The following HS6ST3 variants were observed in gnomAD, a reference collection of about 807,000 sequenced individuals.
HS6ST3 encodes the protein heparan-sulfate 6-O-sulfotransferase 3.
HS6ST3 carries 12 observed loss-of-function variants against 36.7 expected under a neutral mutation model. The observed-to-expected ratio is 0.33, with a 90% confidence interval of 0.21 to 0.53. The LOEUF (loss-of-function observed/expected upper bound fraction) is 0.53, where lower values mean the gene tolerates loss of function less well. HS6ST3 is among the 20% of genes least tolerant of loss of function. The pLI is 0.95. For synonymous variants in HS6ST3, 240 were observed against 257.5 expected (o/e 0.93, Z 0.65); for missense variants, 584 against 640.9 (o/e 0.91, Z 0.96).
chr13:96,444,950 A>G (rs986481858), intron 1 of HS6ST3, among the ~76,000 whole-genome samples: 5 of 152,302 alleles, frequency 3.3e-5, no homozygotes, highest in East Asian at 1.9e-4. Flanking sequence ...CAGAAGATTT[A>G]GAGCATACTA....
chr13:96,257,274 A>G (rs913643288), intron 1 of HS6ST3, among the ~76,000 whole-genome samples: 1 of 152,206 alleles, frequency 6.6e-6, no homozygotes, highest in Non-Finnish European at 1.5e-5. Flanking sequence ...TCTACTGTGC[A>G]TCTGCAGGAA....
At chr13:96,692,897 G>A (rs553451547) in intron 1 of HS6ST3, among the ~76,000 whole-genome samples, 4 of 152,096 alleles carry the variant, frequency 2.6e-5, no homozygotes, top group Non-Finnish European at 4.4e-5. Context: ...TTTTTCTAAT[G>A]TACTATTTGA....
intron 1 of HS6ST3, among the ~76,000 whole-genome samples, chr13:96,218,254 G>T (rs1266667525): frequency 6.6e-6 from 1 of 152,170 alleles, no homozygotes; most frequent in African/African-American, 2.4e-5. Flanking sequence ...GGACACAGAA[G>T]CTGAAGGGCC....
chr13:96,724,162 A>T (rs1875926259), intron 1 of HS6ST3, among the ~76,000 whole-genome samples: 1 of 152,218 alleles, frequency 6.6e-6, no homozygotes, highest in Non-Finnish European at 1.5e-5. Flanking sequence ...ACATTATATT[A>T]ACATTTATGA....
At chr13:96,453,299 T>C (rs1259268202) in intron 1 of HS6ST3, among the ~76,000 whole-genome samples, 1 of 152,040 alleles carries the variant, frequency 6.6e-6, no homozygotes, top group East Asian at 1.9e-4. Context: ...ATAGGGTAAA[T>C]TGTACTCAAT....
chr13:96,606,289 T>A (rs1428001482), intron 1 of HS6ST3, among the ~76,000 whole-genome samples: 1 of 152,132 alleles, frequency 6.6e-6, no homozygotes, highest in Non-Finnish European at 1.5e-5. Flanking sequence ...TTTGAAGCAC[T>A]TTTCACACTA....
intron 1 of HS6ST3, among the ~76,000 whole-genome samples, chr13:96,727,307 C>A (rs1416799585): frequency 4.6e-5 from 7 of 152,096 alleles, no homozygotes; most frequent in Non-Finnish European, 1.5e-5. Context: ...GAAAAATATT[C>A]ATCGTAGTAC....
chr13:96,429,679 A>G (rs1486575322), intron 1 of HS6ST3, among the ~76,000 whole-genome samples: 1 of 152,220 alleles, frequency 6.6e-6, no homozygotes, highest in African/African-American at 2.4e-5. Context: ...CTTTAGCTGT[A>G]AGACTTTACA....
At chr13:96,162,143 A>T (rs1305619710) in intron 1 of HS6ST3, among the ~76,000 whole-genome samples, 2 of 152,212 alleles carry the variant, frequency 1.3e-5, no homozygotes, top group Non-Finnish European at 2.9e-5. Flanking sequence ...GAGATCAAGG[A>T]ATTTTCCCAG....
chr13:96,688,383 TG>T (rs1874847849), intron 1 of HS6ST3, among the ~76,000 whole-genome samples: 1 of 152,044 alleles, frequency 6.6e-6, no homozygotes, highest in African/African-American at 2.4e-5. Flanking sequence ...ATTTTGATAG[TG>T]GGATTTATGT....
At chr13:96,739,937 T>A (rs1876393600) in intron 1 of HS6ST3, among the ~76,000 whole-genome samples, 1 of 152,168 alleles carries the variant, frequency 6.6e-6, no homozygotes, top group Non-Finnish European at 1.5e-5. Flanking sequence ...TTCTGGATGC[T>A]ATTTCCCAAT....
chr13:96,125,214 AG>A (rs2053944871), intron 1 of HS6ST3, among the ~76,000 whole-genome samples: 1 of 152,288 alleles, frequency 6.6e-6, no homozygotes, highest in African/African-American at 2.4e-5. Flanking sequence ...ATAGTGAAGC[AG>A]GGGGGTGGTT....
chr13:96,266,631 A>G (rs2054693758), intron 1 of HS6ST3, among the ~76,000 whole-genome samples: 1 of 152,134 alleles, frequency 6.6e-6, no homozygotes, highest in Non-Finnish European at 1.5e-5. Flanking sequence ...ACTAATTCCC[A>G]TTTTGACTGT....
chr13:96,457,999 T>C (rs544936753), intron 1 of HS6ST3, among the ~76,000 whole-genome samples: 170 of 152,272 alleles, frequency 1.1e-3, no homozygotes, highest in Non-Finnish European at 2.2e-3. Context: ...AACTTTTTTC[T>C]TTCCAGTAGT....
intron 1 of HS6ST3, among the ~76,000 whole-genome samples, chr13:96,713,393 G>T (rs1460315724): frequency 6.6e-6 from 1 of 152,064 alleles, no homozygotes; most frequent in African/African-American, 2.4e-5. Flanking sequence ...TTTATCATAT[G>T]ACTGTAAATA....
At chr13:96,444,388 G>A (rs1156478158) in intron 1 of HS6ST3, among the ~76,000 whole-genome samples, 3 of 152,064 alleles carry the variant, frequency 2.0e-5, no homozygotes, top group African/African-American at 7.2e-5. Flanking sequence ...CCCTGATGTG[G>A]GAACAAAAGG....
intron 1 of HS6ST3, among the ~76,000 whole-genome samples, chr13:96,676,981 G>A (rs2056700847): frequency 6.6e-6 from 1 of 152,104 alleles, no homozygotes; most frequent in African/African-American, 2.4e-5. Flanking sequence ...AGTAAGTAGA[G>A]AAAAGTTGGC....
rs1877723467 is a variant in HS6ST3, at chr13:96,789,235, A to G, written c.708-43255A>G. Among the ~76,000 whole-genome samples the G allele has an allele frequency of 2.0e-5, 3 of 151,854 alleles. No homozygotes were observed. The South Asian group carries it at 6.2e-4, about 31-fold the overall frequency. On this transcript the variant is annotated intron_variant, in intron 1 of 1. Transcript: ENST00000376705. Reference sequence around the variant, plus strand: ...ATAATATAGATACTTAACTTTTTATAGTCTATTTAGACTTAATATTTTATT... The same window carrying G: ...ATAATATAGATACTTAACTTTTTATGGTCTATTTAGACTTAATATTTTATT...
intron 1 of HS6ST3, among the ~76,000 whole-genome samples, chr13:96,222,597 A>G (rs186477506): frequency 2.2e-3 from 336 of 152,372 alleles, no homozygotes; most frequent in Non-Finnish European, 3.6e-3. Flanking sequence ...TTGTTGCTGG[A>G]TGATTTCTTC....
Sources: gnomAD v4.1 joint callset for allele counts (sites outside exome capture counted in the v4.1 genomes callset) on GRCh38, gnomAD v4.1.1 for gene constraint, MANE v1.5 for transcripts, NCBI Gene and HGNC (gene_info 2026-07-23, HGNC 2026-07-21) for gene names.